Variants in DUOX2 observed in about 807,000 individuals in gnomAD.
The protein encoded by DUOX2 is dual oxidase 2.
Under a neutral mutation model 183.3 loss-of-function variants are expected in DUOX2, and 185 were observed. The observed-to-expected ratio is 1.01, with a 90% confidence interval of 0.90 to 1.14. DUOX2 has a LOEUF of 1.14. DUOX2 is among the 50% of genes most tolerant of loss of function. DUOX2 has a pLI of 0.00. For missense variants in DUOX2, 1,999 were observed against 2,022.9 expected (o/e 0.99, Z 0.23); for synonymous variants, 788 against 812.4 (o/e 0.97, Z 0.51).
chr15:45,105,833 G>A lies in DUOX2; in HGVS notation c.2149-5C>T, dbSNP rs1470880517. On this transcript the variant is annotated splice_region_variant and splice_polypyrimidine_tract_variant and intron_variant, in intron 17 of 33. Coordinates refer to ENST00000389039, the MANE Select transcript of DUOX2 (RefSeq NM_001363711.2). ...TTCAGAACTAAACAGCAGCACCTGG[G>A]TGGGAGGAAGGCGGCACTGACGCAG... The A allele has an allele frequency of 1.2e-6, 2 of 1,613,972 alleles. No homozygotes were observed. Among genetic ancestry groups the A allele is most frequent in the Admixed American group, 1.7e-5 (1 of 60,032 alleles).
chr15:45,097,445 A>G, intron 28 of DUOX2, 54 bp from the exon 29 acceptor site: 1 of 1,613,936 alleles, frequency 6.2e-7, no homozygotes, highest in Non-Finnish European at 8.5e-7. Context: ...CCTGCCCGGC[A>G]TCCCCTCTTG....
Position 45,092,819 on chromosome 15 carries a change from T to C in DUOX2, c.*1331A>G, listed in dbSNP as rs892506084. Reference sequence around the variant, plus strand: ...GATACACACAACAGCATGGATGAATTACAAAGGCATTATGGTGAGTAAAAG... The same window carrying C: ...GATACACACAACAGCATGGATGAATCACAAAGGCATTATGGTGAGTAAAAG... On this transcript the variant is annotated 3_prime_UTR_variant, in exon 34 of 34. Transcript: ENST00000389039. The C allele has an allele frequency of 2.6e-5, 4 of 152,176 alleles. No homozygotes were observed. The highest frequency in any genetic ancestry group is 9.7e-5 in the African/African-American group (4 of 41,434). 9.4% of individuals were successfully genotyped at this position (152,176 alleles called of 1,614,324 possible).
Position 45,095,827 on chromosome 15 carries a change from C to G in DUOX2, c.4080+1G>C. The G allele has an allele frequency of 6.2e-7, 1 of 1,613,608 alleles. No individual in the cohort carries two copies. The highest frequency in any genetic ancestry group is 8.5e-7 in the Non-Finnish European group (1 of 1,179,670). On this transcript the variant is annotated splice_donor_variant, in intron 30 of 33. Coordinates refer to ENST00000389039, the MANE Select transcript of DUOX2 (RefSeq NM_001363711.2). LOFTEE classifies it high-confidence loss of function. The stretch of plus-strand genomic sequence containing the variant: ...GAAGCAGGGTTCCCAGTGACGGGCA[C>G]CTTTGGGTATCCAGCACAGCCATTG...
chr15:45,094,842 G>T (rs1269580638), intron 32 of DUOX2, 94 bp downstream of exon 32: 32 of 1,596,940 alleles, frequency 2.0e-5, no homozygotes, highest in Non-Finnish European at 2.3e-5. Flanking sequence ...TGCCAGCTCA[G>T]CCTGGCCGTC....
chr15:45,109,958 T>C lies in DUOX2; in HGVS notation c.1063A>G (p.Lys355Glu), dbSNP rs1894333850. Reference sequence around the variant, plus strand: ...CTTTGAAAACCCTTGTTCAGGACCTTCCGGAAATGACAGCTGGCATTTCTG... The same window carrying C: ...CTTTGAAAACCCTTGTTCAGGACCTCCCGGAAATGACAGCTGGCATTTCTG... ...YMRNASCHFR[K>E]VLNKGFQSSQ... The change falls in exon 10 of 34, where the codon AAG becomes GAG. Residue 355 changes from lysine to glutamate, a missense_variant. This residue lies in a region of DUOX2 where 1,628 missense variants were observed against 1,608.6 expected (regional missense o/e 1.01). Coordinates refer to ENST00000389039, the MANE Select transcript of DUOX2 (RefSeq NM_001363711.2). The C allele has an allele frequency of 2.5e-6, 4 of 1,613,944 alleles. No homozygotes were observed. The South Asian group carries it at 4.4e-5, about 18-fold the overall frequency.
chr15:45,106,172 G>C lies in DUOX2; in HGVS notation c.2101C>G (p.Arg701Gly), dbSNP rs201109959. Residue 701 changes from arginine (R) to glycine (G), a missense_variant, in exon 17 of 34, where the codon CGA becomes GGA. This residue lies in a region of DUOX2 where 1,628 missense variants were observed against 1,608.6 expected (regional missense o/e 1.01). Transcript: ENST00000389039. ...QQVNLILSNN[R>G]GCRTLLLKIP... is the part of the protein sequence containing the mutation. Reference sequence around the variant, plus strand: ...TTGAGCAGCAGGGTGCGGCATCCTCGGTTGTTGGACAGGATGAGGTTGACC... The same window carrying C: ...TTGAGCAGCAGGGTGCGGCATCCTCCGTTGTTGGACAGGATGAGGTTGACC... 1 of 1,614,176 alleles carries C rather than the reference G, an allele frequency of 6.2e-7. No homozygotes were observed. The highest frequency in any genetic ancestry group is 8.5e-7 in the Non-Finnish European group (1 of 1,180,028).
rs1196651317 is a variant in DUOX2 at position 45,106,651 on chromosome 15, A to C, written c.1832-10T>G. The C allele has an allele frequency of 2.7e-5, 43 of 1,613,758 alleles. No homozygotes were observed. Among genetic ancestry groups the C allele is most frequent in the Non-Finnish European group, 3.1e-5 (37 of 1,179,754 alleles). Reference sequence around the variant, plus strand: ...GAGAGAAGCAGACTCACTGAAGTGGATCAGAAGGAACAGTGAGGAGGGAGC... The same window carrying C: ...GAGAGAAGCAGACTCACTGAAGTGGCTCAGAAGGAACAGTGAGGAGGGAGC... On this transcript the variant is annotated splice_polypyrimidine_tract_variant and intron_variant, in intron 15 of 33. Coordinates refer to ENST00000389039, the MANE Select transcript of DUOX2 (RefSeq NM_001363711.2).
At chr15:45,100,000 A>G (rs752015816) in intron 24 of DUOX2, 50 bp downstream of exon 24, 4 of 1,613,624 alleles carry the variant, frequency 2.5e-6, no homozygotes, top group African/African-American at 2.7e-5. Flanking sequence ...ACTCCTCTCC[A>G]AGGGTCAGAG....
At position 45,097,234 on chromosome 15, in the gene DUOX2, A is replaced by T. The variant is rs1026137909; in HGVS notation, c.3847+4T>A. On this transcript the variant is annotated splice_donor_region_variant and intron_variant, in intron 29 of 33. Coordinates refer to ENST00000389039, the MANE Select transcript of DUOX2 (RefSeq NM_001363711.2). ...CCCGACCCAGGTCAGGCTGGGCCTG[A>T]TACCTGAGGGCAGCAGCTCCGCCTT... is the stretch of plus-strand genomic sequence containing the variant. 9.3e-6 allele frequency: 15 copies of T among 1,614,028 alleles called. No homozygotes were observed. The African/African-American group carries it at 1.5e-4, about 16-fold the overall frequency.
At chr15:45,097,141 A>T in intron 29 of DUOX2, 97 bp downstream of exon 29, 1 of 1,564,398 alleles carries the variant, frequency 6.4e-7, no homozygotes, top group Non-Finnish European at 8.8e-7. Context: ...ACAGAGTCAG[A>T]GGCAGTGATG....
rs564305753 is a variant in DUOX2, at chr15:45,095,925, G to T, written c.3983C>A (p.Thr1328Lys). Reference sequence around the variant, plus strand: ...CACTGCCCGGATGTGCAGGCTGAGTGTGTCCTCATGGGGCGCGGAGGTCAG... The same window carrying T: ...CACTGCCCGGATGTGCAGGCTGAGTTTGTCCTCATGGGGCGCGGAGGTCAG... ...FTLTSAPHED[T>K]LSLHIRAVGP... The change falls in exon 30 of 34, where the codon ACA becomes AAA. Residue 1328 changes from threonine to lysine, a missense_variant. Transcript: ENST00000389039. The T allele has an allele frequency of 3.7e-6, 6 of 1,614,044 alleles. No individual in the cohort carries two copies. The highest frequency in any genetic ancestry group is 1.6e-4 in the Middle Eastern group (1 of 6,062).
rs368206523 is a variant in DUOX2 at position 45,095,598 on chromosome 15, G to T, written c.4081-3C>A. On this transcript the variant is annotated splice_region_variant and splice_polypyrimidine_tract_variant and intron_variant, in intron 30 of 33. Coordinates refer to ENST00000389039, the MANE Select transcript of DUOX2 (RefSeq NM_001363711.2). ...CCAAACGGTCCATCAAGGTACAGCT[G>T]CCAAGAGAGGGGGGAGATGAAATGA... 3.7e-6 allele frequency: 6 copies of T among 1,614,204 alleles called. No homozygotes were observed. Among genetic ancestry groups the T allele is most frequent in the Non-Finnish European group, 5.1e-6 (6 of 1,180,034 alleles).
In DUOX2 at chr15:45,113,074, T is replaced by C; in HGVS notation, c.73A>G (p.Ser25Gly). 2 of 1,613,824 alleles carry C rather than the reference T, an allele frequency of 1.2e-6. No homozygotes were observed. Among genetic ancestry groups the C allele is most frequent in the Non-Finnish European group, 1.7e-6 (2 of 1,179,918 alleles). The change falls in exon 3 of 34, where the codon AGT becomes GGT. Residue 25 changes from serine to glycine, a missense_variant and splice_region_variant. Ser to Gly is a moderately conservative substitution (Grantham distance 56). Coordinates refer to ENST00000389039, the MANE Select transcript of DUOX2 (RefSeq NM_001363711.2). Reference protein sequence around the residue: ...LLTGSLGPSGSQDALSLPWEV... With the variant: ...LLTGSLGPSGGQDALSLPWEV... ...CAGGGCAGTGAGAGTGCGTCCTGAC[T>C]GCCTGTGGGCACAGAGAAGGGCCTC...
chr15:45,109,423 T>C (rs892855246), intron 11 of DUOX2, 101 bp downstream of exon 11: 3 of 956,810 alleles, frequency 3.1e-6, no homozygotes, highest in Non-Finnish European at 5.1e-6. Context: ...TGTATCTGTG[T>C]TCCTGCATCG....
rs1208199516 is a variant in DUOX2, at chr15:45,104,190, C to G, written c.2510G>C (p.Gly837Ala). The change falls in exon 19 of 34, where the codon GGC becomes GCC. Residue 837 changes from glycine (G) to alanine (A), a missense_variant. Physicochemically the swap from Gly to Ala is moderately conservative, Grantham distance 60 (BLOSUM62 0). Coordinates refer to ENST00000389039, the MANE Select transcript of DUOX2 (RefSeq NM_001363711.2). ...CAGGAACTCTCGGAAGGACAGGTAG[C>G]CATTGCCATCCTTGTCAGCCAGAGA... ...MFSLADKDGN[G>A]YLSFREFLDI... The G allele has an allele frequency of 6.2e-7, 1 of 1,614,180 alleles. No homozygotes were observed. The highest frequency in any genetic ancestry group is 2.2e-5 in the East Asian group (1 of 44,882).
At position 45,104,368 on chromosome 15, in the gene DUOX2, G is replaced by A. The variant is rs369394906; in HGVS notation, c.2335-3C>T. On this transcript the variant is annotated splice_region_variant and splice_polypyrimidine_tract_variant and intron_variant, in intron 18 of 33. Coordinates refer to ENST00000389039, the MANE Select transcript of DUOX2 (RefSeq NM_001363711.2). ...TCGGCCTGGTTGATGTCCAGCACCT[G>A]CACTCGGGCAGCAGCAGAGGGAGGG... The A allele has an allele frequency of 1.1e-4, 182 of 1,613,038 alleles. 1 individual carries two copies. The highest frequency in any genetic ancestry group is 4.5e-4 in the Admixed American group (27 of 59,914).
At chr15:45,110,581 C>CTT in intron 8 of DUOX2, 57 bp from the exon 9 acceptor site, 1 of 1,613,804 alleles carries the variant, frequency 6.2e-7, no homozygotes, top group Non-Finnish European at 8.5e-7. Flanking sequence ...CACATCCTCC[C>CTT]ATCACAGGCA....
At chr15:45,104,492 G>A (rs754823998) in intron 18 of DUOX2, 127 bp from the exon 19 acceptor site, 89 of 1,274,820 alleles carry the variant, frequency 7.0e-5, no homozygotes, top group Admixed American at 1.5e-4. Context: ...TGGTTCTCCT[G>A]ATCCTTAGAT....
chr15:45,095,391 T>C, intron 31 of DUOX2, 46 bp downstream of exon 31: 3 of 1,612,880 alleles, frequency 1.9e-6, no homozygotes, highest in Non-Finnish European at 1.7e-6. Context: ...CGGGTCACAA[T>C]TCGGCCACCT....
Sources: allele counts gnomAD v4.1 joint callset, GRCh38; gene constraint gnomAD v4.1.1; regional missense constraint gnomAD v4.1.1; transcripts MANE v1.5; gene names NCBI Gene and HGNC (gene_info 2026-07-23, HGNC 2026-07-21).